The following VWA8 variants were observed in gnomAD, a reference collection of about 807,000 sequenced individuals.
The protein encoded by VWA8 is von Willebrand factor A domain-containing protein 8.
VWA8 carries 221 observed loss-of-function variants against 241.5 expected under a neutral mutation model. The ratio of observed to expected loss-of-function variants is 0.91; its 90% CI spans 0.82 to 1.02. The LOEUF is 1.02. VWA8 is among the 50% of genes least tolerant of loss of function. The pLI is 0.00. For missense variants in VWA8, 2,322 were observed against 2,328.7 expected (o/e 1.00, Z 0.06); for synonymous variants, 852 against 827.1 (o/e 1.03, Z -0.52).
chr13:41,764,672 TTGG>T (rs2137911383), intron 20 of VWA8, among the ~76,000 whole-genome samples: 1 of 152,138 alleles, frequency 6.6e-6, no homozygotes, highest in Admixed American at 6.5e-5. Flanking sequence ...GTCAAGACTC[TTGG>T]GTAACAGTCA....
At chr13:41,822,418 T>C (rs551058722) in intron 14 of VWA8, among the ~76,000 whole-genome samples, 1 of 152,322 alleles carries the variant, frequency 6.6e-6, no homozygotes, top group African/African-American at 2.4e-5. Context: ...ATATTTCCCC[T>C]TTTTCCTATG....
At chr13:41,710,758 A>T (rs1267763669) in intron 26 of VWA8, among the ~76,000 whole-genome samples, 5 of 152,242 alleles carry the variant, frequency 3.3e-5, no homozygotes, top group Admixed American at 3.3e-4. Context: ...TTAAACAAAG[A>T]ATATTTTATG....
intron 9 of VWA8, among the ~76,000 whole-genome samples, chr13:41,879,876 C>T (rs906092855): frequency 1.3e-5 from 2 of 152,152 alleles, no homozygotes; most frequent in African/African-American, 4.8e-5. Context: ...GAAAGCCATA[C>T]AGCTTAGTGG....
intron 2 of VWA8, among the ~76,000 whole-genome samples, chr13:41,920,023 C>G (rs1398124245): frequency 6.6e-6 from 1 of 152,126 alleles, no homozygotes; most frequent in African/African-American, 2.4e-5. Context: ...CCCCACCTCC[C>G]GAGGCAGTAG....
intron 21 of VWA8, among the ~76,000 whole-genome samples, chr13:41,754,950 A>G (rs918323830): frequency 1.3e-5 from 2 of 151,940 alleles, no homozygotes; most frequent in African/African-American, 2.4e-5. Context: ...TCTTTTTTTT[A>G]TGGCCGAATA....
chr13:41,859,404 A>AT, intron 12 of VWA8, among the ~76,000 whole-genome samples: 1 of 152,206 alleles, frequency 6.6e-6, no homozygotes, highest in East Asian at 1.9e-4. Flanking sequence ...GTCAGTGATG[A>AT]TACTAAGATT....
At chr13:41,830,448 T>G in intron 14 of VWA8, 81 bp downstream of exon 14, 5 of 1,169,822 alleles carry the variant, frequency 4.3e-6, no homozygotes. Flanking sequence ...TTGGCATTAT[T>G]CTAGGTTTAG....
In VWA8 at chr13:41,617,568, C is replaced by T. The variant is rs558064329; in HGVS notation, c.4612-2484G>A. 1.4e-4 allele frequency among the ~76,000 whole-genome samples: 21 copies of T among 152,076 alleles called. No homozygotes were observed. The South Asian group carries it at 4.4e-3, about 32-fold the overall frequency. ...GTTTGTTACATATAGTATACACATGCCATGTTGGTTTGCTGCAGTCATTAA... is the reference window on the plus strand; with the variant it reads ...GTTTGTTACATATAGTATACACATGTCATGTTGGTTTGCTGCAGTCATTAA... On this transcript the variant is annotated intron_variant, in intron 37 of 44. Coordinates refer to ENST00000379310, the MANE Select transcript of VWA8 (RefSeq NM_015058.2).
chr13:41,895,061 T>G (rs117326852), intron 4 of VWA8, among the ~76,000 whole-genome samples: 1,951 of 151,932 alleles, frequency 0.013, 21 homozygotes, highest in Middle Eastern at 0.048. Context: ...AGTAGAGGAA[T>G]ACAGAAAAGA....
At chr13:41,921,222 C>T (rs992118109) in intron 2 of VWA8, among the ~76,000 whole-genome samples, 4 of 152,244 alleles carry the variant, frequency 2.6e-5, no homozygotes, top group Middle Eastern at 6.8e-3. Flanking sequence ...AAAAGGCCTT[C>T]AACAAAATTC....
intron 2 of VWA8, among the ~76,000 whole-genome samples, chr13:41,949,421 A>G (rs751450862): frequency 8.0e-5 from 12 of 150,806 alleles, no homozygotes; most frequent in Non-Finnish European, 1.5e-4. Context: ...TGGGAGTTGA[A>G]CAATGAGAAC....
intron 4 of VWA8, among the ~76,000 whole-genome samples, chr13:41,893,612 T>G (rs1874956307): frequency 1.3e-5 from 2 of 152,136 alleles, no homozygotes; most frequent in South Asian, 4.1e-4. Context: ...TTGGCCGGGC[T>G]CAGTGGCTCA....
intron 40 of VWA8, among the ~76,000 whole-genome samples, chr13:41,593,560 C>T (rs187060088): frequency 6.6e-6 from 1 of 152,302 alleles, no homozygotes; most frequent in African/African-American, 2.4e-5. Context: ...CCTCCCTGCA[C>T]CAGTGATTGG....
intron 34 of VWA8, among the ~76,000 whole-genome samples, chr13:41,685,511 C>T (rs1028037777): frequency 6.6e-6 from 1 of 152,008 alleles, no homozygotes; most frequent in African/African-American, 2.4e-5. Context: ...CAAAAATCAG[C>T]CAGACATCGT....
chr13:41,751,759 C>A (rs2045657887), intron 21 of VWA8, among the ~76,000 whole-genome samples: 2 of 152,064 alleles, frequency 1.3e-5, no homozygotes, highest in Admixed American at 6.6e-5. Context: ...TAACAATAAC[C>A]ATCCAAAATG....
chr13:41,646,611 T>A (rs2044834052), intron 37 of VWA8, among the ~76,000 whole-genome samples: 1 of 152,238 alleles, frequency 6.6e-6, no homozygotes, highest in Non-Finnish European at 1.5e-5. Flanking sequence ...TTACACTGGC[T>A]ATAAACAATG....
chr13:41,866,611 C>T (rs575938850), intron 10 of VWA8, among the ~76,000 whole-genome samples: 104 of 151,934 alleles, frequency 6.8e-4, no homozygotes, highest in African/African-American at 2.4e-3. Flanking sequence ...CAATTATTTC[C>T]CTAAAATTAA....
intron 20 of VWA8, among the ~76,000 whole-genome samples, chr13:41,768,898 A>T (rs2045798222): frequency 7.0e-6 from 1 of 142,172 alleles, no homozygotes; most frequent in Non-Finnish European, 1.5e-5. Context: ...ACTATAAAAC[A>T]ATGCCTTTTT....
At chr13:41,731,712 C>T (rs984492644) in intron 22 of VWA8, among the ~76,000 whole-genome samples, 5 of 152,022 alleles carry the variant, frequency 3.3e-5, no homozygotes, top group East Asian at 1.9e-4. Flanking sequence ...GGGAGGGACC[C>T]GGTGGGAGAT....
Sources: allele counts gnomAD v4.1 joint callset (sites outside exome capture counted in the v4.1 genomes callset), GRCh38; gene constraint gnomAD v4.1.1; transcripts MANE v1.5; gene names NCBI Gene and HGNC (gene_info 2026-07-23, HGNC 2026-07-21).